DEFB114: variants seen among roughly 807,000 people sequenced by gnomAD.
DEFB114 encodes beta-defensin 114.
A neutral mutation model predicts 2.4 loss-of-function variants in DEFB114; 4 were observed. The observed-to-expected ratio is 1.67, with a 90% CI of 0.82 to 3.82. DEFB114 has a LOEUF of 3.82. Ranked by LOEUF, DEFB114 falls within the 30% of genes most tolerant of loss-of-function variation. The pLI is 0.01. For missense variants in DEFB114, 113 were observed against 85.8 expected, an observed-to-expected ratio of 1.32 and a Z score of -1.25; for synonymous variants, 35 against 24.6, an observed-to-expected ratio of 1.42 and a Z score of -1.26.
intron 1 of DEFB114, among the ~76,000 whole-genome samples, 160 bp downstream of exon 1, chr6:49,963,891 A>G (rs1773501164): frequency 6.7e-6 from 1 of 150,132 alleles, no homozygotes; most frequent in South Asian, 2.1e-4. Context: ...GTACACCAGT[A>G]TAATGATATT....
At chr6:49,962,205 C>T (rs1278892770) in intron 1 of DEFB114, among the ~76,000 whole-genome samples, 1 of 150,358 alleles carries the variant, frequency 6.7e-6, no homozygotes, top group Non-Finnish European at 1.5e-5. Flanking sequence ...CTTAAACTTC[C>T]AGAAGCATTG....
chr6:49,960,818 T>C (rs1350405672), intron 1 of DEFB114, among the ~76,000 whole-genome samples: 2 of 150,856 alleles, frequency 1.3e-5, no homozygotes, highest in East Asian at 3.9e-4. Flanking sequence ...TTTAGGATTA[T>C]GATAATGTGG....
chr6:49,960,736 G>A (rs913934512), intron 1 of DEFB114, among the ~76,000 whole-genome samples: 5 of 150,542 alleles, frequency 3.3e-5, no homozygotes, highest in Non-Finnish European at 6.0e-5. Flanking sequence ...GATATTTGTA[G>A]AGCTACACGA....
intron 1 of DEFB114, among the ~76,000 whole-genome samples, chr6:49,961,805 A>G (rs1773465296): frequency 6.6e-6 from 1 of 150,784 alleles, no homozygotes; most frequent in Admixed American, 6.6e-5. Flanking sequence ...CAGTTAAAAA[A>G]AAATTGTCTT....
rs112237322 is a variant in DEFB114 at position 49,964,032 on chromosome 6, A to G, written c.55+19T>C. The G allele has an allele frequency of 4.5e-4, 696 of 1,536,594 alleles. 4 individuals are homozygous for G. In the East Asian group the frequency reaches 7.3e-3, roughly 16 times the overall value. On this transcript the variant is annotated intron_variant, in intron 1 of 1. Transcript: ENST00000322066. The stretch of plus-strand genomic sequence containing the variant: ...TAGTGAGAAGTTTTACACAAATATA[A>G]CAGAGACATCTATCTTACCTGGTAG...
At position 49,960,335 on chromosome 6, in the gene DEFB114, A is replaced by G. The variant is rs1320050489; in HGVS notation, c.167T>C (p.Ile56Thr). Reference protein sequence around the residue: ...QIDICSLPRKICCTEKLYEED... With the variant: ...QIDICSLPRKTCCTEKLYEED... ...TTCATACAATTTCTCAGTGCAGCAA[A>G]TTTTTCTTGGTAAGGAACATATGTC... is the stretch of plus-strand genomic sequence containing the variant. Residue 56 changes from isoleucine (I) to threonine (T), a missense_variant, in exon 2 of 2, where the codon ATT becomes ACT. Physicochemically the swap from Ile to Thr is moderately conservative, Grantham distance 89 (BLOSUM62 -1). Transcript: ENST00000322066. 1 of 1,606,570 alleles carries G rather than the reference A, an allele frequency of 6.2e-7. No homozygotes were observed. Among genetic ancestry groups the G allele is most frequent in the Admixed American group, 1.7e-5 (1 of 59,182 alleles).
intron 1 of DEFB114, among the ~76,000 whole-genome samples, chr6:49,962,601 A>G (rs1004909802): frequency 3.3e-5 from 5 of 150,358 alleles, no homozygotes; most frequent in African/African-American, 1.2e-4. Flanking sequence ...AATGTAGTCA[A>G]TACTATTTTT....
rs750366094 is a variant in DEFB114, at chr6:49,964,102, T to G, written c.4A>C (p.Arg2=). 2.5e-6 allele frequency: 4 copies of G among 1,583,652 alleles called. No individual in the cohort carries two copies. The highest frequency in any genetic ancestry group is 3.4e-6 in the Non-Finnish European group (4 of 1,161,532). Residue 2 remains arginine, a synonymous_variant, in exon 1 of 2, where the codon AGG becomes CGG. Transcript: ENST00000322066. M[R]IFYYLHFLCY... is the part of the protein sequence containing the mutation. ...AGAAAATGGAGATAGTAAAAGATCC[T>G]CATTCTGTAGAAAGAAGTTGTTGAA...
intron 1 of DEFB114, among the ~76,000 whole-genome samples, chr6:49,960,916 T>C (rs1398142313): frequency 6.6e-6 from 1 of 150,950 alleles, no homozygotes; most frequent in Non-Finnish European, 1.5e-5. Flanking sequence ...CACAAAAATT[T>C]ATGCAATTTT....
intron 1 of DEFB114, 109 bp from the exon 2 acceptor site, chr6:49,960,555 A>G: frequency 1.7e-6 from 2 of 1,164,830 alleles, no homozygotes; most frequent in South Asian, 1.9e-5. Context: ...GAAAATACCA[A>G]AAAAAAATAA....
intron 1 of DEFB114, among the ~76,000 whole-genome samples, chr6:49,960,711 CA>C (rs201701965): frequency 0.01 from 1,567 of 149,384 alleles, 38 homozygotes; most frequent in African/African-American, 0.036. Context: ...ATATTATTCT[CA>C]AAAAAAAATT....
At chr6:49,961,495 T>C (rs1773459183) in intron 1 of DEFB114, among the ~76,000 whole-genome samples, 2 of 150,848 alleles carry the variant, frequency 1.3e-5, no homozygotes, top group South Asian at 4.1e-4. Context: ...TCACAAACTC[T>C]AGATCTCTTT....
At position 49,960,477 on chromosome 6, in the gene DEFB114, A is replaced by G. The variant is rs375230171; in HGVS notation, c.56-31T>C. The stretch of plus-strand genomic sequence containing the variant: ...GTAAAAGAAGAGTAACAGAAATTCT[A>G]ATCTTTTATTTAAGCATATATTACT... On this transcript the variant is annotated intron_variant, in intron 1 of 1. Transcript: ENST00000322066. 2.5e-6 allele frequency: 4 copies of G among 1,568,858 alleles called. No individual in the cohort carries two copies. In the South Asian group the frequency reaches 3.6e-5, roughly 14 times the overall value.
In DEFB114 at chr6:49,964,160, C is replaced by T. The variant is rs1773506934; in HGVS notation, c.-55G>A. The stretch of plus-strand genomic sequence containing the variant: ...ATAACAGAATATAGAGACTATAGAA[C>T]TTTCCAAAACCCAAAAGACGTTTAC... On this transcript the variant is annotated 5_prime_UTR_variant, in exon 1 of 2. Coordinates refer to ENST00000322066, the MANE Select transcript of DEFB114 (RefSeq NM_001037499.2). 7.9e-7 allele frequency: 1 copy of T among 1,263,700 alleles called. No homozygotes were observed. The highest frequency in any genetic ancestry group is 2.4e-5 in the East Asian group (1 of 40,860). The allele number at this position is 1,263,700 out of a possible 1,614,324, so 78.3% of individuals were successfully genotyped here.
Position 49,964,028 on chromosome 6 carries a change from TATAAC to T in DEFB114, c.55+18_55+22del. 1 of 1,524,556 alleles carries T rather than the reference TATAAC, an allele frequency of 6.6e-7. No individual in the cohort carries two copies. Among genetic ancestry groups the T allele is most frequent in the Non-Finnish European group, 8.9e-7 (1 of 1,120,930 alleles). 94.4% of individuals were successfully genotyped at this position (1,524,556 alleles called of 1,614,324 possible). On this transcript the variant is annotated intron_variant, in intron 1 of 1. Coordinates refer to ENST00000322066, the MANE Select transcript of DEFB114 (RefSeq NM_001037499.2). ...TTTCTAGTGAGAAGTTTTACACAAATATAACAGAGACATCTATCTTACCTGGTAGA... is the reference window on the plus strand; with the variant it reads ...TTTCTAGTGAGAAGTTTTACACAAATAGAGACATCTATCTTACCTGGTAGA...
intron 1 of DEFB114, among the ~76,000 whole-genome samples, chr6:49,962,999 A>G (rs1773487044): frequency 1.3e-5 from 2 of 150,430 alleles, no homozygotes; most frequent in South Asian, 4.1e-4. Context: ...TCATTAAGGG[A>G]ATAGAATCCA....
Position 49,960,458 on chromosome 6 carries a change from G to A in DEFB114, c.56-12C>T. 1 of 1,578,876 alleles carries A rather than the reference G, an allele frequency of 6.3e-7. No individual in the cohort carries two copies. Among genetic ancestry groups the A allele is most frequent in the Non-Finnish European group, 8.6e-7 (1 of 1,166,414 alleles). On this transcript the variant is annotated splice_polypyrimidine_tract_variant and intron_variant, in intron 1 of 1. Transcript: ENST00000322066. ...CAAGGTACATGTGGCTACGGTAAAA[G>A]AAGAGTAACAGAAATTCTAATCTTT...
intron 1 of DEFB114, among the ~76,000 whole-genome samples, chr6:49,963,128 A>T (rs995090225): frequency 1.3e-5 from 2 of 150,210 alleles, no homozygotes; most frequent in African/African-American, 4.9e-5. Flanking sequence ...AATAGAAAAT[A>T]AAAGGATGTT....
chr6:49,960,280 A>G lies in DEFB114; in HGVS notation c.*12T>C. On this transcript the variant is annotated 3_prime_UTR_variant, in exon 2 of 2. Coordinates refer to ENST00000322066, the MANE Select transcript of DEFB114 (RefSeq NM_001037499.2). ...ACATGTAACTTCTTTGTTCAGAGGT[A>G]TGCCTTTCTTTTCAAAACATATCAT... 2 of 1,596,534 alleles carry G rather than the reference A, an allele frequency of 1.3e-6. No homozygotes were observed. Among genetic ancestry groups the G allele is most frequent in the South Asian group, 2.2e-5 (2 of 89,004 alleles).
Sources: gnomAD v4.1 joint callset for allele counts (sites outside exome capture counted in the v4.1 genomes callset) on GRCh38, gnomAD v4.1.1 for gene constraint, MANE v1.5 for transcripts, NCBI Gene and HGNC (gene_info 2026-07-23, HGNC 2026-07-21) for gene names.